The following GHR variants were observed in gnomAD, a reference collection of about 807,000 sequenced individuals.
GHR encodes the protein growth hormone receptor.
Under a neutral mutation model 67.1 loss-of-function variants are expected in GHR, and 35 were observed. The observed-to-expected ratio is 0.52, with a 90% confidence interval of 0.40 to 0.69. The LOEUF is 0.69. Ranked by LOEUF, GHR falls within the 30% of genes least tolerant of loss-of-function variation. The pLI, the probability that GHR is intolerant of heterozygous loss-of-function variation, is 0.00. For synonymous variants in GHR, 272 were observed against 269.1 expected, an observed-to-expected ratio of 1.01 and a Z score of -0.10; for missense variants, 792 against 764.6, an observed-to-expected ratio of 1.04 and a Z score of -0.42.
intron 1 of GHR, among the ~76,000 whole-genome samples, chr5:42,563,911 T>C (rs1475499118): frequency 1.3e-5 from 2 of 151,792 alleles, no homozygotes; most frequent in African/African-American, 4.8e-5. Flanking sequence ...CTGCTGGAGG[T>C]TTCCAGCTTT....
chr5:42,645,247 G>A (rs534043158), intron 3 of GHR, among the ~76,000 whole-genome samples: 27 of 152,326 alleles, frequency 1.8e-4, no homozygotes, highest in Non-Finnish European at 3.2e-4. Flanking sequence ...AACGTGGGCT[G>A]AAGATCTCAT....
rs1432268447 is a variant in GHR, at chr5:42,508,222, AG to A, written c.-11-57640del. On this transcript the variant is annotated intron_variant, in intron 1 of 9. Coordinates refer to ENST00000230882, the MANE Select transcript of GHR (RefSeq NM_000163.5). ...CATTGCTGAGGTACATATGTGGTTAAGGAGCTGAGAGAACTGGTCTGATAGC... is the reference window on the plus strand; with the variant it reads ...CATTGCTGAGGTACATATGTGGTTAAGAGCTGAGAGAACTGGTCTGATAGC... Among the ~76,000 whole-genome samples, 2 of 152,206 alleles carry A rather than the reference AG, an allele frequency of 1.3e-5. 1 individual carries two copies. Among genetic ancestry groups the A allele is most frequent in the Non-Finnish European group, 2.9e-5 (2 of 68,034 alleles).
rs947329481 is a variant in GHR, at chr5:42,721,432, G to A, written c.*2008G>A. ...ATAATTTTAAATTCTCTCTCTTGCA[G>A]GAAGGACTATGAAAAGCTAGAATTG... On this transcript the variant is annotated 3_prime_UTR_variant, in exon 10 of 10. Coordinates refer to ENST00000230882, the MANE Select transcript of GHR (RefSeq NM_000163.5). The A allele has an allele frequency of 1.3e-5, 2 of 152,260 alleles. No homozygotes were observed. The highest frequency in any genetic ancestry group is 4.8e-5 in the African/African-American group (2 of 41,408). 9.4% of individuals were successfully genotyped at this position (152,260 alleles called of 1,614,324 possible). A position where few individuals can be genotyped will look rare whatever the true frequency, so the allele number is the denominator to read the frequency against.
At chr5:42,431,933 C>T (rs376253908) in intron 1 of GHR, among the ~76,000 whole-genome samples, 5 of 152,120 alleles carry the variant, frequency 3.3e-5, no homozygotes, top group Middle Eastern at 3.2e-3. Flanking sequence ...GGAAGAAGCG[C>T]ATTTCACAGG....
rs1294597408 is a variant in GHR, at chr5:42,719,042, C to A, written c.1535C>A (p.Ser512Tyr). ...GGCCAAAAGAATAAGGCAGGGATGT[C>A]CCAATGTGACATGCACCCGGAAATG... is the stretch of plus-strand genomic sequence containing the variant. Reference protein sequence around the residue: ...SPGQKNKAGMSQCDMHPEMVS... With the variant: ...SPGQKNKAGMYQCDMHPEMVS... Residue 512 changes from serine to tyrosine, a missense_variant, in exon 10 of 10, where the codon TCC (serine) becomes TAC (tyrosine). By Grantham distance (144) the Ser-to-Tyr change is moderately radical (BLOSUM62 -2). Coordinates refer to ENST00000230882, the MANE Select transcript of GHR (RefSeq NM_000163.5). 1 of 1,608,766 alleles carries A rather than the reference C, an allele frequency of 6.2e-7. No individual in the cohort carries two copies. Among genetic ancestry groups the A allele is most frequent in the Middle Eastern group, 1.7e-4 (1 of 6,032 alleles).
At chr5:42,697,276 A>G (rs530484318) in intron 5 of GHR, among the ~76,000 whole-genome samples, 74 of 152,306 alleles carry the variant, frequency 4.9e-4, no homozygotes, top group African/African-American at 1.7e-3. Flanking sequence ...CATTCATTCA[A>G]TTCATTCAGC....
intron 1 of GHR, among the ~76,000 whole-genome samples, chr5:42,517,191 C>T (rs908556598): frequency 6.6e-6 from 1 of 152,108 alleles, no homozygotes; most frequent in Non-Finnish European, 1.5e-5. Context: ...GAGTTTTATA[C>T]CAATGGACTA....
At chr5:42,548,163 T>A (rs1748824852) in intron 1 of GHR, 1 of 984,028 alleles carries the variant, frequency 1.0e-6, no homozygotes, top group South Asian at 4.7e-5. Flanking sequence ...TCAGGGGATT[T>A]ATTATATGAG....
chr5:42,681,503 G>A (rs1212163834), intron 3 of GHR, among the ~76,000 whole-genome samples: 1 of 152,226 alleles, frequency 6.6e-6, no homozygotes, highest in Non-Finnish European at 1.5e-5. Context: ...CTTTTACACT[G>A]TTGGTGGGAG....
chr5:42,467,443 GT>G, intron 1 of GHR: 1 of 967,314 alleles, frequency 1.0e-6, no homozygotes. Flanking sequence ...CCCAGTAAAT[GT>G]TTTCCGACAC....
intron 1 of GHR, among the ~76,000 whole-genome samples, chr5:42,531,840 A>G (rs1405717632): frequency 6.6e-6 from 1 of 152,146 alleles, no homozygotes; most frequent in Non-Finnish European, 1.5e-5. Context: ...ACGGCTCACC[A>G]AAGTCTTGGT....
chr5:42,481,605 C>G (rs952765618), intron 1 of GHR, among the ~76,000 whole-genome samples: 6 of 152,086 alleles, frequency 3.9e-5, no homozygotes, highest in Non-Finnish European at 7.4e-5. Context: ...TCTTTTTTCT[C>G]TAAACTTCTC....
intron 1 of GHR, among the ~76,000 whole-genome samples, chr5:42,556,052 G>C (rs1749290487): frequency 6.6e-6 from 1 of 152,028 alleles, no homozygotes; most frequent in Non-Finnish European, 1.5e-5. Context: ...AGATCACATT[G>C]CCTCACTCTT....
intron 1 of GHR, among the ~76,000 whole-genome samples, chr5:42,559,632 T>TC (rs758096566): frequency 1.3e-5 from 2 of 152,218 alleles, no homozygotes; most frequent in Non-Finnish European, 2.9e-5. Flanking sequence ...AAAAGTCTTT[T>TC]CCCCCCTCAC....
At chr5:42,517,731 G>A (rs75956573) in intron 1 of GHR, among the ~76,000 whole-genome samples, 2,797 of 151,204 alleles carry the variant, frequency 0.018, 80 homozygotes, top group African/African-American at 0.064. Flanking sequence ...TTCTTAAGTG[G>A]TATTATTCAT....
rs186271463 is a variant in GHR, at chr5:42,628,419, C to T, written c.71-619C>T. On this transcript the variant is annotated intron_variant, in intron 2 of 9. Transcript: ENST00000230882. ...TCTCAAGGAGTCTTGAGAAAGTGTG[C>T]CCAAGGCCGTCAGATTCAGTTTGGT... Among the ~76,000 whole-genome samples, 134 of 134,254 alleles carry T rather than the reference C, an allele frequency of 1.0e-3. 8 individuals carry two copies. The Middle Eastern group carries it at 0.011, about 11-fold the overall frequency. The allele number at this position is 134,254 out of a possible 152,430, so 88.1% of individuals were successfully genotyped here.
intron 2 of GHR, among the ~76,000 whole-genome samples, chr5:42,623,278 A>G (rs956592523): frequency 3.9e-5 from 6 of 152,168 alleles, no homozygotes; most frequent in Non-Finnish European, 8.8e-5. Flanking sequence ...GGTTGAGTGT[A>G]AGTAGGGAAA....
At chr5:42,555,880 G>C (rs1431632390) in intron 1 of GHR, among the ~76,000 whole-genome samples, 1 of 152,188 alleles carries the variant, frequency 6.6e-6, no homozygotes, top group African/African-American at 2.4e-5. Flanking sequence ...ACACTGCACA[G>C]TGCAGGATTT....
chr5:42,516,938 T>G (rs1434497832), intron 1 of GHR, among the ~76,000 whole-genome samples: 1 of 152,196 alleles, frequency 6.6e-6, no homozygotes, highest in Non-Finnish European at 1.5e-5. Flanking sequence ...GTGTAATTAT[T>G]TACCGGTGTT....
Sources: gnomAD v4.1 joint callset for allele counts (sites outside exome capture counted in the v4.1 genomes callset) on GRCh38, gnomAD v4.1.1 for gene constraint, MANE v1.5 for transcripts, NCBI Gene and HGNC (gene_info 2026-07-23, HGNC 2026-07-21) for gene names.